QTMAN: variants seen among roughly 807,000 people sequenced by gnomAD.
QTMAN encodes tRNA-queuosine alpha-mannosyltransferase.
the QTMAN span, among the ~76,000 whole-genome samples, chr2:144,219,071 T>C: frequency 8.8e-3 from 1,336 of 152,242 alleles, 14 homozygotes; most frequent in African/African-American, 0.03. Flanking sequence ...ACATTTGATG[T>C]TTTTAATATT....
chr2:144,140,061 T>C, the QTMAN span, among the ~76,000 whole-genome samples: 2 of 152,072 alleles, frequency 1.3e-5, no homozygotes, highest in East Asian at 1.9e-4. Flanking sequence ...GTTAGAATGA[T>C]TGTCATTCAT....
chr2:144,176,638 T>G, the QTMAN span, among the ~76,000 whole-genome samples: 1 of 152,160 alleles, frequency 6.6e-6, no homozygotes, highest in Admixed American at 6.5e-5. Flanking sequence ...GGTAGGCTGA[T>G]AGTGCACACA....
At chr2:144,132,728 C>A in the QTMAN span, among the ~76,000 whole-genome samples, 3 of 151,822 alleles carry the variant, frequency 2.0e-5, no homozygotes, top group Non-Finnish European at 4.4e-5. Flanking sequence ...GAATTTTGTT[C>A]CCCTTTGCTT....
the QTMAN span, among the ~76,000 whole-genome samples, chr2:144,231,041 A>G: frequency 6.6e-4 from 101 of 152,352 alleles, no homozygotes; most frequent in African/African-American, 2.3e-3. Flanking sequence ...TTGTAAAAGT[A>G]TTCTACAGAA....
the QTMAN span, among the ~76,000 whole-genome samples, chr2:144,041,757 G>A: frequency 1.3e-5 from 2 of 152,140 alleles, no homozygotes; most frequent in African/African-American, 4.8e-5. Context: ...CAAGCTTGTA[G>A]GAGAGGAACA....
chr2:144,026,490 T>C, the QTMAN span, among the ~76,000 whole-genome samples: 2 of 152,088 alleles, frequency 1.3e-5, no homozygotes, highest in Admixed American at 6.5e-5. Flanking sequence ...AAATAAAGTA[T>C]CACAAATTTC....
At chr2:144,281,066 C>A in the QTMAN span, among the ~76,000 whole-genome samples, 3 of 131,216 alleles carry the variant, frequency 2.3e-5, no homozygotes, top group East Asian at 7.8e-4. Flanking sequence ...CCCGCCCCCA[C>A]CCCACAACAG....
At chr2:144,287,746 T>G in the QTMAN span, among the ~76,000 whole-genome samples, 1 of 152,208 alleles carries the variant, frequency 6.6e-6, no homozygotes, top group Admixed American at 6.5e-5. Context: ...TCCTATATTC[T>G]CCTTAACTTT....
the QTMAN span, among the ~76,000 whole-genome samples, chr2:144,024,919 ATAAC>A: frequency 4.0e-5 from 6 of 148,250 alleles, no homozygotes; most frequent in African/African-American, 1.1e-4. Flanking sequence ...AGCATCTGTG[ATAAC>A]TAACAATCTA....
chr2:143,977,266 CA>C, the QTMAN span, among the ~76,000 whole-genome samples: 1 of 152,070 alleles, frequency 6.6e-6, no homozygotes, highest in African/African-American at 2.4e-5. Flanking sequence ...AAAAAAGGAG[CA>C]GTCTTCTTGG....
At chr2:144,246,788 ATCC>A in the QTMAN span, among the ~76,000 whole-genome samples, 1 of 151,834 alleles carries the variant, frequency 6.6e-6, no homozygotes, top group Non-Finnish European at 1.5e-5. Context: ...TCTCCTCTTC[ATCC>A]TCCTCATCTT....
At chr2:144,028,990 C>T in the QTMAN span, among the ~76,000 whole-genome samples, 5 of 152,246 alleles carry the variant, frequency 3.3e-5, no homozygotes, top group East Asian at 9.7e-4. Context: ...AGCAAAATAC[C>T]TTTAGAATCA....
At chr2:144,047,577 A>C in the QTMAN span, among the ~76,000 whole-genome samples, 1 of 152,102 alleles carries the variant, frequency 6.6e-6, no homozygotes. Context: ...TACCTCTCTA[A>C]TTCAGATGAG....
the QTMAN span, among the ~76,000 whole-genome samples, chr2:144,240,555 T>A: frequency 6.6e-6 from 1 of 152,216 alleles, no homozygotes; most frequent in African/African-American, 2.4e-5. Context: ...GTACATTAAA[T>A]TGTAATGTGA....
At chr2:144,262,106 C>T in the QTMAN span, among the ~76,000 whole-genome samples, 1 of 152,026 alleles carries the variant, frequency 6.6e-6, no homozygotes, top group Non-Finnish European at 1.5e-5. Flanking sequence ...GAAATGGCAA[C>T]AATGATATAT....
chr2:144,130,498 A>G, the QTMAN span, among the ~76,000 whole-genome samples: 1 of 151,980 alleles, frequency 6.6e-6, no homozygotes, highest in Admixed American at 6.6e-5. Context: ...GCTGGATTAC[A>G]ATTTGTGGCA....
chr2:144,029,595 T>C, the QTMAN span, among the ~76,000 whole-genome samples: 1 of 152,144 alleles, frequency 6.6e-6, no homozygotes, highest in Non-Finnish European at 1.5e-5. Context: ...GTTTGAGGAA[T>C]ATTATTCAAA....
chr2:144,032,973 C>G, the QTMAN span, among the ~76,000 whole-genome samples: 2 of 151,840 alleles, frequency 1.3e-5, no homozygotes, highest in African/African-American at 4.8e-5. Flanking sequence ...AGAAAAATTT[C>G]AAAAACAAGA....
the QTMAN span, among the ~76,000 whole-genome samples, chr2:144,159,230 TTAACTA>T: frequency 7.6e-4 from 116 of 152,200 alleles, no homozygotes; most frequent in African/African-American, 2.6e-3. Flanking sequence ...ATACTTTCAT[TTAACTA>T]TATTTTAACA....
Sources: allele counts gnomAD v4.1 joint callset (sites outside exome capture counted in the v4.1 genomes callset), GRCh38; gene constraint gnomAD v4.1.1; transcripts MANE v1.5; gene names NCBI Gene and HGNC (gene_info 2026-07-23, HGNC 2026-07-21).